SPATA2: variants seen among roughly 807,000 people sequenced by gnomAD.
SPATA2 encodes spermatogenesis associated 2.
In SPATA2, 8 loss-of-function variants were observed where a neutral mutation model predicts 35.4. The ratio of observed to expected loss-of-function variants is 0.23; its 90% CI spans 0.13 to 0.41. The LOEUF is 0.41. Among genes scored for constraint, SPATA2 ranks in the 10% least tolerant of loss-of-function variants. SPATA2 has a pLI of 1.00. For missense variants in SPATA2, 650 were observed against 698.7 expected, an observed-to-expected ratio of 0.93 and a Z score of 0.79; for synonymous variants, 293 against 300.9, an observed-to-expected ratio of 0.97 and a Z score of 0.27.
intron 1 of SPATA2, among the ~76,000 whole-genome samples, chr20:49,911,897 T>G (rs1419021696): frequency 2.0e-5 from 3 of 152,064 alleles, no homozygotes; most frequent in African/African-American, 7.2e-5. Flanking sequence ...GCCTTCTGAC[T>G]TGGAACCTGT....
chr20:49,904,558 G>C lies in SPATA2; in HGVS notation c.*1061C>G, dbSNP rs2090128887. 1 of 152,686 alleles carries C rather than the reference G, an allele frequency of 6.5e-6. No individual in the cohort carries two copies. Among genetic ancestry groups the C allele is most frequent in the African/African-American group, 2.4e-5 (1 of 41,438 alleles). 9.5% of individuals were successfully genotyped at this position (152,686 alleles called of 1,614,324 possible). On this transcript the variant is annotated 3_prime_UTR_variant, in exon 3 of 3. Coordinates refer to ENST00000289431, the MANE Select transcript of SPATA2 (RefSeq NM_006038.4). ...TAGGTTAGCAGTCTGCAGACACACA[G>C]ACCTCGACACCCGCGCTCACCCCCT...
chr20:49,906,406 C>A lies in SPATA2; in HGVS notation c.776G>T (p.Ser259Ile). The change falls in exon 3 of 3, where the codon AGC becomes ATC. Residue 259 changes from serine (S) to isoleucine (I), a missense_variant. Physicochemically the swap from Ser to Ile is moderately radical, Grantham distance 142 (BLOSUM62 -2). Transcript: ENST00000289431. This position sits in a 1 kb window ranked among gnomAD's most constrained non-coding sequence, Gnocchi z 8.2. Reference sequence around the variant, plus strand: ...GGGTGGCTTCCGGCTCTCCCAGTAGCTGTCATAGGCATCCACTGACCTCGA... The same window carrying A: ...GGGTGGCTTCCGGCTCTCCCAGTAGATGTCATAGGCATCCACTGACCTCGA... ...KPSRSVDAYD[S>I]YWESRKPPLK... The A allele has an allele frequency of 6.2e-7, 1 of 1,613,508 alleles. No individual in the cohort carries two copies. The highest frequency in any genetic ancestry group is 2.2e-5 in the East Asian group (1 of 44,872).
chr20:49,905,763 G>A lies in SPATA2; in HGVS notation c.1419C>T (p.Thr473=), dbSNP rs765879340. 4.3e-6 allele frequency: 7 copies of A among 1,614,256 alleles called. No homozygotes were observed. In the Admixed American group the frequency reaches 1.2e-4, roughly 27 times the overall value. Residue 473 remains threonine, a synonymous_variant, in exon 3 of 3, where the codon ACC becomes ACT. Transcript: ENST00000289431. ...CGTCACATGAGACTTTTGAACACTG[G>A]GTGCAGGTGTTGGTGGCGCCTGGGC... ...CNRPGATNTC[T]QCSKVSCDAC...
chr20:49,911,661 C>T lies in SPATA2; in HGVS notation c.-102-3069G>A, dbSNP rs188010282. 2.5e-3 allele frequency among the ~76,000 whole-genome samples: 372 copies of T among 149,202 alleles called. 2 individuals are homozygous for T. The highest frequency in any genetic ancestry group is 4.3e-3 in the Non-Finnish European group (291 of 67,468). ...CAGCCTGGGCAACAGAGCGAGACTC[C>T]GTCTCTAAAAAAAAAAAAAGAAAAA... On this transcript the variant is annotated intron_variant, in intron 1 of 2. Coordinates refer to ENST00000289431, the MANE Select transcript of SPATA2 (RefSeq NM_006038.4).
chr20:49,915,106 G>C (rs1030533525), intron 1 of SPATA2, among the ~76,000 whole-genome samples: 2 of 152,180 alleles, frequency 1.3e-5, no homozygotes, highest in Admixed American at 1.3e-4. Flanking sequence ...GTGTCCTTCT[G>C]TTTGGCCAGT....
chr20:49,907,377 A>G (rs2090153698), intron 2 of SPATA2, among the ~76,000 whole-genome samples: 1 of 152,160 alleles, frequency 6.6e-6, no homozygotes, highest in African/African-American at 2.4e-5. Context: ...TTTGTTAAAC[A>G]CAGGAAGCAA....
At position 49,908,255 on chromosome 20, in the gene SPATA2, G is replaced by A; in HGVS notation, c.236C>T (p.Ser79Phe). The stretch of plus-strand genomic sequence containing the variant: ...GCCGTGCAGAGCCCGCAGGCTAGAG[G>A]AGCTGAGCGAGCGCAAGGAGCTCTC... ...VVESSLRSLS[S>F]SSLRALHGAF... The change falls in exon 2 of 3, where the codon TCC becomes TTC. Residue 79 changes from serine to phenylalanine, a missense_variant. Ser to Phe is a radical substitution (Grantham distance 155). Transcript: ENST00000289431. 2 of 1,614,154 alleles carry A rather than the reference G, an allele frequency of 1.2e-6. No individual in the cohort carries two copies. The highest frequency in any genetic ancestry group is 2.2e-5 in the East Asian group (1 of 44,884).
In SPATA2 at chr20:49,905,894, G is replaced by T. The variant is rs141369810; in HGVS notation, c.1288C>A (p.Arg430=). ...TGAGTCTGGCCTGGGTACTTCTCCC[G>T]CAGAGATGCCCCGTGGGCCAGGCTG... is the stretch of plus-strand genomic sequence containing the variant. ...HDSLAHGASL[R]EKYPGQTQGL... is the part of the protein sequence containing the mutation. The change falls in exon 3 of 3, where the codon CGG becomes AGG. Residue 430 remains arginine (R), a synonymous_variant. Transcript: ENST00000289431. The T allele has an allele frequency of 6.2e-7, 1 of 1,612,754 alleles. No individual in the cohort carries two copies. The highest frequency in any genetic ancestry group is 1.3e-5 in the African/African-American group (1 of 75,038).
At chr20:49,907,708 C>T (rs1171626520) in intron 2 of SPATA2, among the ~76,000 whole-genome samples, 2 of 152,092 alleles carry the variant, frequency 1.3e-5, no homozygotes, top group African/African-American at 4.8e-5. Flanking sequence ...CCCTCCTCCT[C>T]TACTGTTCCC....
At position 49,906,939 on chromosome 20, in the gene SPATA2, T is replaced by C. The variant is rs1600853882; in HGVS notation, c.337-94A>G. The C allele has an allele frequency of 2.1e-6, 3 of 1,420,458 alleles. No individual in the cohort carries two copies. Among genetic ancestry groups the C allele is most frequent in the African/African-American group, 1.4e-5 (1 of 69,716 alleles). The allele number at this position is 1,420,458 out of a possible 1,614,324, so 88.0% of individuals were successfully genotyped here. ...AAGCAAAGGATGTCCAGCTCTGAAG[T>C]GGGGCGGCGGGGAGAGGGCAGGGCA... is the stretch of plus-strand genomic sequence containing the variant. On this transcript the variant is annotated intron_variant, in intron 2 of 2. Transcript: ENST00000289431. This position sits in a 1 kb window ranked among gnomAD's most constrained non-coding sequence, Gnocchi z 8.2.
At position 49,905,498 on chromosome 20, in the gene SPATA2, T is replaced by C; in HGVS notation, c.*121A>G. 1 of 1,135,694 alleles carries C rather than the reference T, an allele frequency of 8.8e-7. No individual in the cohort carries two copies. The highest frequency in any genetic ancestry group is 1.3e-6 in the Non-Finnish European group (1 of 797,046). The allele number at this position is 1,135,694 out of a possible 1,614,324, so 70.4% of individuals were successfully genotyped here. ...GTGGACACAGCCAGCCCACGATCTC[T>C]GCCACCTACATGGTCAAGTGCAGGC... is the stretch of plus-strand genomic sequence containing the variant. On this transcript the variant is annotated 3_prime_UTR_variant, in exon 3 of 3. Coordinates refer to ENST00000289431, the MANE Select transcript of SPATA2 (RefSeq NM_006038.4).
chr20:49,906,702 C>T lies in SPATA2; in HGVS notation c.480G>A (p.Lys160=). The part of the protein sequence containing the change: ...LRELVETLQV[K]MVSFELFLAK... ...CCAGAAAGAGCTCAAAGGAGACCAT[C>T]TTCACCTGGAGGGTCTCCACGAGCT... Residue 160 remains lysine, a synonymous_variant, in exon 3 of 3, where the codon AAG becomes AAA. Coordinates refer to ENST00000289431, the MANE Select transcript of SPATA2 (RefSeq NM_006038.4). This position sits in a 1 kb window ranked among gnomAD's most constrained non-coding sequence, Gnocchi z 8.2. 6.2e-7 allele frequency: 1 copy of T among 1,614,274 alleles called. No homozygotes were observed. The highest frequency in any genetic ancestry group is 2.2e-5 in the East Asian group (1 of 44,886).
intron 1 of SPATA2, among the ~76,000 whole-genome samples, chr20:49,914,310 G>A (rs1231747823): frequency 6.6e-6 from 1 of 152,116 alleles, no homozygotes; most frequent in African/African-American, 2.4e-5. Context: ...CTAAGCATTA[G>A]CTTGGCTTTA....
chr20:49,911,667 TAAA>T (rs1338174615), intron 1 of SPATA2, among the ~76,000 whole-genome samples: 1 of 127,700 alleles, frequency 7.8e-6, no homozygotes. Context: ...ACTCCGTCTC[TAAA>T]AAAAAAAAAA....
In SPATA2 at chr20:49,905,581, T is replaced by C. The variant is rs749344608; in HGVS notation, c.*38A>G. 1.2e-6 allele frequency: 2 copies of C among 1,602,114 alleles called. No homozygotes were observed. Among genetic ancestry groups the C allele is most frequent in the East Asian group, 2.2e-5 (1 of 44,654 alleles). ...TTCACCGTGAAACCCGAAAGGTCGG[T>C]TGATGTAGCCCTTGGAGCTGGAAGG... On this transcript the variant is annotated 3_prime_UTR_variant, in exon 3 of 3. Coordinates refer to ENST00000289431, the MANE Select transcript of SPATA2 (RefSeq NM_006038.4).
Position 49,905,919 on chromosome 20 carries a change from G to C in SPATA2, c.1263C>G (p.Asp421Glu). ...SAFPSKASTH[D>E]SLAHGASLRE... ...GCAGAGATGCCCCGTGGGCCAGGCT[G>C]TCATGAGTCGAGGCCTTGCTGGGGA... Residue 421 changes from aspartate (D) to glutamate (E), a missense_variant, in exon 3 of 3, where the codon GAC becomes GAG. Asp to Glu is a conservative substitution (Grantham distance 45). Transcript: ENST00000289431. 6.2e-7 allele frequency: 1 copy of C among 1,611,944 alleles called. No homozygotes were observed. Among genetic ancestry groups the C allele is most frequent in the Non-Finnish European group, 8.5e-7 (1 of 1,180,006 alleles).
intron 1 of SPATA2, among the ~76,000 whole-genome samples, chr20:49,913,265 CAG>C (rs1324859577): frequency 6.6e-6 from 1 of 152,230 alleles, no homozygotes; most frequent in African/African-American, 2.4e-5. Context: ...ACCTGCCCAA[CAG>C]AGTTTGAAAG....
In SPATA2 at chr20:49,905,812, G is replaced by C. The variant is rs2146827436; in HGVS notation, c.1370C>G (p.Thr457Ser). 6.2e-7 allele frequency: 1 copy of C among 1,614,250 alleles called. No individual in the cohort carries two copies. The highest frequency in any genetic ancestry group is 8.5e-7 in the Non-Finnish European group (1 of 1,180,038). Residue 457 changes from threonine to serine, a missense_variant, in exon 3 of 3, where the codon ACT becomes AGT. By Grantham distance (58) the Thr-to-Ser change is moderately conservative. Transcript: ENST00000289431. ...HSKSKPSTTP[T>S]SRCGFCNRPG... The stretch of plus-strand genomic sequence containing the variant: ...GCGGTTGCAGAAGCCACAGCGGGAA[G>C]TGGGCGTGGTGGAGGGCTTGGATTT...
chr20:49,906,987 C>T lies in SPATA2; in HGVS notation c.337-142G>A. 2 of 889,140 alleles carry T rather than the reference C, an allele frequency of 2.2e-6. No homozygotes were observed. The highest frequency in any genetic ancestry group is 3.4e-6 in the Non-Finnish European group (2 of 591,296). The allele number at this position is 889,140 out of a possible 1,614,324, so 55.1% of individuals were successfully genotyped here. On this transcript the variant is annotated intron_variant, in intron 2 of 2. Transcript: ENST00000289431. This position sits in a 1 kb window ranked among gnomAD's most constrained non-coding sequence, Gnocchi z 8.2. ...GCAGGGAAGGATCTCGACAGCCTCA[C>T]CCTGCGGGAGGCAGAAGACGCAGGA...
Sources: gnomAD v4.1 joint callset for allele counts (sites outside exome capture counted in the v4.1 genomes callset) on GRCh38, gnomAD v4.1.1 for gene constraint, Gnocchi (gnomAD v3.1) non-coding constraint, MANE v1.5 for transcripts, NCBI Gene and HGNC (gene_info 2026-07-23, HGNC 2026-07-21) for gene names.